ATP8A1: variants seen among roughly 807,000 people sequenced by gnomAD.
ATP8A1 encodes the protein ATPase phospholipid transporting 8A1, also known as phospholipid-transporting ATPase IA.
ATP8A1 carries 90 observed loss-of-function variants against 177.7 expected under a neutral mutation model. That is an observed-to-expected ratio of 0.51 (90% CI 0.43 to 0.60). The LOEUF is 0.60. Ranked by LOEUF, ATP8A1 falls within the 20% of genes least tolerant of loss-of-function variation. The probability of loss-of-function intolerance (pLI) is 0.00; values close to 1 mark genes in which losing one functional copy is unlikely to be tolerated. For synonymous variants in ATP8A1, 493 were observed against 485.9 expected (o/e 1.01, Z -0.19); for missense variants, 1,072 against 1,392.8 (o/e 0.77, Z 3.67).
At chr4:42,485,407 C>A (rs946404834) in intron 25 of ATP8A1, 89 bp downstream of exon 25, 63 of 1,246,940 alleles carry the variant, frequency 5.1e-5, no homozygotes, top group Non-Finnish European at 6.3e-5. Context: ...CTTTTGTAAA[C>A]TCTGGATTAC....
At chr4:42,543,197 C>T (rs920636683) in intron 20 of ATP8A1, among the ~76,000 whole-genome samples, 1 of 152,110 alleles carries the variant, frequency 6.6e-6, no homozygotes, top group South Asian at 2.1e-4. Flanking sequence ...TAGGCTTGAG[C>T]TTCTTAAGTT....
intron 22 of ATP8A1, among the ~76,000 whole-genome samples, chr4:42,515,658 A>C (rs1295301039): frequency 6.6e-6 from 1 of 152,200 alleles, no homozygotes; most frequent in Non-Finnish European, 1.5e-5. Flanking sequence ...TGCCCAGGGC[A>C]CTAAAGCCTC....
At position 42,440,980 on chromosome 4, in the gene ATP8A1, C is replaced by T. The variant is rs115884633; in HGVS notation, c.3123+2585G>A. Among the ~76,000 whole-genome samples the T allele has an allele frequency of 4.2e-3, 634 of 152,184 alleles. 10 individuals are homozygous for T. The highest frequency in any genetic ancestry group is 0.014 in the African/African-American group (584 of 41,494). ...AATCAACACAGGAAAGGACTGGGAT[C>T]CTGGGGATATGATCTTTGGATTAGA... On this transcript the variant is annotated intron_variant, in intron 33 of 36. Coordinates refer to ENST00000381668, the MANE Select transcript of ATP8A1 (RefSeq NM_006095.2).
intron 25 of ATP8A1, among the ~76,000 whole-genome samples, chr4:42,465,948 A>C (rs928968318): frequency 2.1e-5 from 3 of 145,896 alleles, no homozygotes; most frequent in African/African-American, 2.6e-5. Context: ...AGGAGAATGG[A>C]GTGAACCCAG....
At chr4:42,510,887 T>C (rs1384497170) in intron 22 of ATP8A1, among the ~76,000 whole-genome samples, 2 of 152,104 alleles carry the variant, frequency 1.3e-5, no homozygotes, top group Non-Finnish European at 2.9e-5. Context: ...ACAAATAACA[T>C]AAAGGATCAA....
chr4:42,435,980 C>T (rs1024755236), intron 33 of ATP8A1, among the ~76,000 whole-genome samples: 2 of 152,080 alleles, frequency 1.3e-5, no homozygotes, highest in Admixed American at 1.3e-4. Flanking sequence ...ATTCCCTGGC[C>T]CCCTCAATTA....
At chr4:42,461,619 T>C (rs188327979) in intron 27 of ATP8A1, among the ~76,000 whole-genome samples, 29 of 152,314 alleles carry the variant, frequency 1.9e-4, no homozygotes, top group African/African-American at 7.0e-4. Flanking sequence ...TGCCCAGTTT[T>C]GGGTATGTCT....
At chr4:42,419,839 T>C (rs1253091124) in intron 35 of ATP8A1, among the ~76,000 whole-genome samples, 1 of 152,012 alleles carries the variant, frequency 6.6e-6, no homozygotes, top group Non-Finnish European at 1.5e-5. Flanking sequence ...CCGTCTCTAC[T>C]AAAATTACAA....
Position 42,465,008 on chromosome 4 carries a change from G to A in ATP8A1, c.2393C>T (p.Ala798Val). Residue 798 changes from alanine (A) to valine (V), a missense_variant, in exon 26 of 37, where the codon GCA (alanine) becomes GTA (valine). Physicochemically the swap from Ala to Val is moderately conservative, Grantham distance 64. Coordinates refer to ENST00000381668, the MANE Select transcript of ATP8A1 (RefSeq NM_006095.2). Reference protein sequence around the residue: ...VKKQVKVVTLAIGDGANDVSM... With the variant: ...VKKQVKVVTLVIGDGANDVSM... Reference sequence around the variant, plus strand: ...GACATCATTTGCTCCATCACCGATTGCAAGCGTTACGACTTTGACTTGTTT... The same window carrying A: ...GACATCATTTGCTCCATCACCGATTACAAGCGTTACGACTTTGACTTGTTT... 1 of 1,614,176 alleles carries A rather than the reference G, an allele frequency of 6.2e-7. No individual in the cohort carries two copies. Among genetic ancestry groups the A allele is most frequent in the Non-Finnish European group, 8.5e-7 (1 of 1,180,024 alleles).
chr4:42,551,080 G>A, intron 18 of ATP8A1, 118 bp downstream of exon 18: 3 of 762,096 alleles, frequency 3.9e-6, no homozygotes, highest in Non-Finnish European at 4.5e-6. Context: ...ACACCCAGTA[G>A]TTGCTTCTGG....
intron 33 of ATP8A1, among the ~76,000 whole-genome samples, chr4:42,429,942 C>T (rs1456464906): frequency 1.3e-5 from 2 of 152,054 alleles, no homozygotes; most frequent in African/African-American, 4.8e-5. Context: ...AACAGCAAGC[C>T]CAATGGTGAC....
At chr4:42,428,826 G>GCTCA (rs1158661817) in intron 33 of ATP8A1, among the ~76,000 whole-genome samples, 2 of 152,102 alleles carry the variant, frequency 1.3e-5, no homozygotes, top group Non-Finnish European at 2.9e-5. Flanking sequence ...AAGCGCCCAT[G>GCTCA]CTCACTCTTG....
chr4:42,413,475 T>C (rs1300696683), intron 36 of ATP8A1, among the ~76,000 whole-genome samples: 27 of 152,214 alleles, frequency 1.8e-4, no homozygotes, highest in Non-Finnish European at 1.5e-5. Context: ...CCTTGGTATC[T>C]GTGGGAATGG....
At chr4:42,652,086 C>T (rs762481289) in intron 1 of ATP8A1, among the ~76,000 whole-genome samples, 4 of 152,354 alleles carry the variant, frequency 2.6e-5, no homozygotes, top group South Asian at 2.1e-4. Flanking sequence ...AGGTTTCCCA[C>T]ATCTCACCTA....
chr4:42,455,430 C>A lies in ATP8A1; in HGVS notation c.2695-11G>T, dbSNP rs750490030. On this transcript the variant is annotated splice_polypyrimidine_tract_variant and intron_variant, in intron 28 of 36. Transcript: ENST00000381668. ...CATTGCTGTAAACATCTAAAGCGCA[C>A]AAACTGGTCATTATGTCAAGCAGCC... 2 of 1,613,780 alleles carry A rather than the reference C, an allele frequency of 1.2e-6. No individual in the cohort carries two copies. The highest frequency in any genetic ancestry group is 1.7e-6 in the Non-Finnish European group (2 of 1,179,754).
chr4:42,549,040 T>C lies in ATP8A1; in HGVS notation c.1625A>G (p.Glu542Gly). ...GGTAAACTCCAAGACATTGAGCAAT[T>C]CATATCTTTCTTCCTGCCCCAGCTA... The part of the protein sequence containing the change: ...IDSLGQEERY[E>G]LLNVLEFTSA... Residue 542 changes from glutamate (E) to glycine (G), a missense_variant, in exon 19 of 37, where the codon GAA becomes GGA. This residue lies in a region of ATP8A1 where 388 missense variants were observed against 471.7 expected (regional missense o/e 0.82). Transcript: ENST00000381668. 1.2e-6 allele frequency: 2 copies of C among 1,612,326 alleles called. No homozygotes were observed. Among genetic ancestry groups the C allele is most frequent in the Non-Finnish European group, 1.7e-6 (2 of 1,178,844 alleles).
chr4:42,653,779 T>C (rs1741355896), intron 1 of ATP8A1, among the ~76,000 whole-genome samples: 1 of 152,228 alleles, frequency 6.6e-6, no homozygotes, highest in Non-Finnish European at 1.5e-5. Context: ...TGACTCACCT[T>C]GGCATTTAAA....
chr4:42,472,767 G>GAGAGAAAA lies in ATP8A1; in HGVS notation c.2325-7692_2325-7691insTTTTCTCT, dbSNP rs1553881608. Among the ~76,000 whole-genome samples, 621 of 145,716 alleles carry GAGAGAAAA rather than the reference G, an allele frequency of 4.3e-3. 25 individuals are homozygous for GAGAGAAAA. In the East Asian group the frequency reaches 0.073, roughly 17 times the overall value. Reference sequence around the variant, plus strand: ...TGTCTCAAAAAAAAAAAAAAAAAGAGAGAAAAAGAAAAAAAAGAGCATGGT... The same window carrying GAGAGAAAA: ...TGTCTCAAAAAAAAAAAAAAAAAGAGAGAGAAAAAGAAAAAGAAAAAAAAGAGCATGGT... On this transcript the variant is annotated intron_variant, in intron 25 of 36. Transcript: ENST00000381668.
chr4:42,424,857 C>T (rs1714403709), intron 33 of ATP8A1, among the ~76,000 whole-genome samples: 1 of 152,140 alleles, frequency 6.6e-6, no homozygotes, highest in Admixed American at 6.5e-5. Flanking sequence ...AAAATAAAAA[C>T]ATGCTATTAC....
Sources: allele counts gnomAD v4.1 joint callset (sites outside exome capture counted in the v4.1 genomes callset), GRCh38; gene constraint gnomAD v4.1.1; regional missense constraint gnomAD v4.1.1; transcripts MANE v1.5; gene names NCBI Gene and HGNC (gene_info 2026-07-23, HGNC 2026-07-21).